The following DDX43 variants were observed in gnomAD, a reference collection of about 807,000 sequenced individuals.
DDX43 encodes the protein probable ATP-dependent RNA helicase DDX43.
Under a neutral mutation model 84.9 loss-of-function variants are expected in DDX43, and 50 were observed. The ratio of observed to expected loss-of-function variants is 0.59; its 90% CI spans 0.47 to 0.75. The LOEUF is 0.75. Among genes scored for constraint, DDX43 ranks in the 30% least tolerant of loss-of-function variants. The pLI is 0.00. For synonymous variants in DDX43, 291 were observed against 266.3 expected, an observed-to-expected ratio of 1.09 and a Z score of -0.90; for missense variants, 689 against 798.6, an observed-to-expected ratio of 0.86 and a Z score of 1.65.
At chr6:73,397,407 G>A (rs138092639) in intron 1 of DDX43, among the ~76,000 whole-genome samples, 1 of 152,302 alleles carries the variant, frequency 6.6e-6, no homozygotes, top group African/African-American at 2.4e-5. Context: ...GTATGAAAGA[G>A]TTCCAATTTC....
chr6:73,407,813 T>C (rs956722913), intron 8 of DDX43, 147 bp from the exon 9 acceptor site: 15 of 830,164 alleles, frequency 1.8e-5, no homozygotes, highest in Non-Finnish European at 3.8e-6. Context: ...TACAACATTA[T>C]GGATTGATGG....
chr6:73,409,351 A>C lies in DDX43; in HGVS notation c.1280+3A>C. ...GATAGGCAGACAGTTATGACCAGGT[A>C]CGTATATGCTTAATTACTGTGTGCA... On this transcript the variant is annotated splice_donor_region_variant and intron_variant, in intron 10 of 16. Coordinates refer to ENST00000370336, the MANE Select transcript of DDX43 (RefSeq NM_018665.3). 6.3e-7 allele frequency: 1 copy of C among 1,599,514 alleles called. No homozygotes were observed. The highest frequency in any genetic ancestry group is 8.6e-7 in the Non-Finnish European group (1 of 1,166,704).
At chr6:73,415,985 G>A (rs945295162) in intron 15 of DDX43, 128 bp from the exon 16 acceptor site, 10 of 621,228 alleles carry the variant, frequency 1.6e-5, no homozygotes, top group Non-Finnish European at 2.6e-5. Context: ...GGGTTTAATC[G>A]AGATACCTGT....
At chr6:73,400,186 T>G (rs1769538011) in intron 2 of DDX43, 48 bp from the exon 3 acceptor site, 5 of 1,531,850 alleles carry the variant, frequency 3.3e-6, no homozygotes, top group East Asian at 2.3e-5. Context: ...ACTTTTTATG[T>G]TTTTTAGGGA....
intron 4 of DDX43, among the ~76,000 whole-genome samples, 159 bp from the exon 5 acceptor site, chr6:73,404,531 G>C (rs1769636843): frequency 6.6e-6 from 1 of 152,210 alleles, no homozygotes; most frequent in Non-Finnish European, 1.5e-5. Flanking sequence ...CAGAAAGGGA[G>C]ATCTCTTCGA....
intron 1 of DDX43, among the ~76,000 whole-genome samples, chr6:73,396,196 C>T (rs1391993256): frequency 6.6e-6 from 1 of 152,154 alleles, no homozygotes; most frequent in Non-Finnish European, 1.5e-5. Flanking sequence ...TGTGGATCCA[C>T]CCACCTCGGC....
intron 3 of DDX43, 62 bp downstream of exon 3, chr6:73,400,425 C>A (rs1769544954): frequency 1.4e-6 from 2 of 1,396,020 alleles, no homozygotes; most frequent in Non-Finnish European, 1.9e-6. Flanking sequence ...GTGTTATAAG[C>A]CATTATACCT....
chr6:73,412,660 TGTGTGTGTGCGC>T (rs1438868177), intron 11 of DDX43, among the ~76,000 whole-genome samples: 8 of 89,630 alleles, frequency 8.9e-5, no homozygotes, highest in African/African-American at 3.2e-4. Flanking sequence ...TGTGTGTGTG[TGTGTGTGTGCGC>T]GCGCGCGTGT....
At chr6:73,416,908 G>A (rs535978220) in intron 16 of DDX43, among the ~76,000 whole-genome samples, 7 of 152,206 alleles carry the variant, frequency 4.6e-5, no homozygotes, top group South Asian at 2.1e-4. Flanking sequence ...GCATGGTGGC[G>A]CCAACCTGTA....
chr6:73,402,173 A>G (rs2150791473), intron 4 of DDX43, among the ~76,000 whole-genome samples, 183 bp downstream of exon 4: 1 of 152,322 alleles, frequency 6.6e-6, no homozygotes, highest in East Asian at 1.9e-4. Context: ...TTTATGCTGT[A>G]GGGGAAATAT....
intron 3 of DDX43, among the ~76,000 whole-genome samples, chr6:73,401,241 G>C (rs1769562897): frequency 6.6e-6 from 1 of 152,170 alleles, no homozygotes; most frequent in African/African-American, 2.4e-5. Flanking sequence ...GCCTCACAAA[G>C]TGCTGGTATT....
chr6:73,395,090 C>A lies in DDX43; in HGVS notation c.185C>A (p.Ala62Asp). ...ACCTCTAGGCCCCCGGAGGCCGTGG[C>A]CGCTGGTCACGAGGAACTGCCGCTG... is the stretch of plus-strand genomic sequence containing the variant. ...RGTSRPPEAV[A>D]AGHEELPLCF... is the part of the protein sequence containing the mutation. The change falls in exon 1 of 17, where the codon GCC (alanine) becomes GAC (aspartate). Residue 62 changes from alanine to aspartate, a missense_variant. This residue lies in a region of DDX43 where 137 missense variants were observed against 105.9 expected (regional missense o/e 1.29). Transcript: ENST00000370336. 1 of 1,614,154 alleles carries A rather than the reference C, an allele frequency of 6.2e-7. No homozygotes were observed. Among genetic ancestry groups the A allele is most frequent in the African/African-American group, 1.3e-5 (1 of 75,078 alleles).
At position 73,402,023 on chromosome 6, in the gene DDX43, G is replaced by GT. The variant is rs764608187; in HGVS notation, c.568+36dup. On this transcript the variant is annotated intron_variant, in intron 4 of 16. Transcript: ENST00000370336. ...CTGCTTCCTAATATTTACATATATT[G>GT]TTTCTGTTAACTGCAGTTTTTATTC... The GT allele has an allele frequency of 1.9e-6, 3 of 1,609,836 alleles. No individual in the cohort carries two copies. In the South Asian group the frequency reaches 3.3e-5, roughly 18 times the overall value.
chr6:73,397,481 C>G (rs761200414), intron 1 of DDX43, among the ~76,000 whole-genome samples: 1 of 152,176 alleles, frequency 6.6e-6, no homozygotes, highest in Non-Finnish European at 1.5e-5. Context: ...AATCCATAGT[C>G]TCCACCTGTC....
chr6:73,410,905 G>A (rs1040383019), intron 10 of DDX43, among the ~76,000 whole-genome samples: 1 of 151,020 alleles, frequency 6.6e-6, no homozygotes, highest in Admixed American at 6.6e-5. Flanking sequence ...AGATTTTTAT[G>A]GCCAGGCGCC....
At position 73,401,980 on chromosome 6, in the gene DDX43, A is replaced by T. The variant is rs201300554; in HGVS notation, c.558A>T (p.Thr186=). The T allele has an allele frequency of 1.9e-6, 3 of 1,614,082 alleles. No homozygotes were observed. The East Asian group carries it at 6.7e-5, about 36-fold the overall frequency. Residue 186 remains threonine, a synonymous_variant, in exon 4 of 17, where the codon ACA becomes ACT. Coordinates refer to ENST00000370336, the MANE Select transcript of DDX43 (RefSeq NM_018665.3). ...IREEGLKWQK[T]KWADLPPIKK... ...AGGAAGGTTTGAAATGGCAAAAAAC[A>T]AAGTGGGCAGGTCAGTGCTGCTTCC... is the stretch of plus-strand genomic sequence containing the variant.
rs767034050 is a variant in DDX43, at chr6:73,409,245, C to T, written c.1180-3C>T. 4 of 1,612,420 alleles carry T rather than the reference C, an allele frequency of 2.5e-6. No homozygotes were observed. The highest frequency in any genetic ancestry group is 4.5e-5 in the East Asian group (2 of 44,846). Reference sequence around the variant, plus strand: ...CTAACCACATTCTTTTTTGTCAATGCAGGTTTTAGATGAAGCAGACAAGAT... The same window carrying T: ...CTAACCACATTCTTTTTTGTCAATGTAGGTTTTAGATGAAGCAGACAAGAT... On this transcript the variant is annotated splice_region_variant and splice_polypyrimidine_tract_variant and intron_variant, in intron 9 of 16. Coordinates refer to ENST00000370336, the MANE Select transcript of DDX43 (RefSeq NM_018665.3).
At chr6:73,410,199 C>T (rs765342474) in intron 10 of DDX43, among the ~76,000 whole-genome samples, 14 of 152,274 alleles carry the variant, frequency 9.2e-5, no homozygotes, top group South Asian at 4.1e-4. Flanking sequence ...GACAAAGTCT[C>T]GCTGACACTC....
In DDX43 at chr6:73,397,856, G is replaced by A. The variant is rs967167147; in HGVS notation, c.306+112G>A. On this transcript the variant is annotated intron_variant, in intron 2 of 16. Coordinates refer to ENST00000370336, the MANE Select transcript of DDX43 (RefSeq NM_018665.3). ...CTCATTCTGTCTCCCAGGCTGGAGT[G>A]CAGTGACGTGATATCAGTACAACCT... The A allele has an allele frequency of 3.5e-5, 33 of 935,428 alleles. No homozygotes were observed. The African/African-American group carries it at 4.4e-4, about 13-fold the overall frequency. The allele number at this position is 935,428 out of a possible 1,614,324, so 57.9% of individuals were successfully genotyped here.
Sources: allele counts gnomAD v4.1 joint callset (sites outside exome capture counted in the v4.1 genomes callset), GRCh38; gene constraint gnomAD v4.1.1; regional missense constraint gnomAD v4.1.1; transcripts MANE v1.5; gene names NCBI Gene and HGNC (gene_info 2026-07-23, HGNC 2026-07-21).